The following VRK2 variants were observed in gnomAD, a reference collection of about 807,000 sequenced individuals.
The protein encoded by VRK2 is serine/threonine-protein kinase VRK2.
In VRK2, 60 loss-of-function variants were observed where a neutral mutation model predicts 57.6. The ratio of observed to expected loss-of-function variants is 1.04; its 90% confidence interval spans 0.85 to 1.29. The LOEUF (loss-of-function observed/expected upper bound fraction) is 1.29. Among genes scored for constraint, VRK2 ranks in the 50% most tolerant of loss-of-function variants. VRK2 has a pLI of 0.00. For missense variants in VRK2, 705 were observed against 588.1 expected, an observed-to-expected ratio of 1.20 and a Z score of -2.06; for synonymous variants, 231 against 199.2, an observed-to-expected ratio of 1.16 and a Z score of -1.35.
chr2:57,977,362 G>A (rs1425196142), intron 1 of VRK2, among the ~76,000 whole-genome samples: 2 of 151,954 alleles, frequency 1.3e-5, no homozygotes, highest in Admixed American at 1.3e-4. Flanking sequence ...ATGGAATATT[G>A]TTTCATTTAT....
At chr2:57,974,234 C>T (rs942639936) in intron 1 of VRK2, among the ~76,000 whole-genome samples, 3 of 151,822 alleles carry the variant, frequency 2.0e-5, no homozygotes, top group African/African-American at 7.2e-5. Context: ...ACTGATAAAG[C>T]TTTAATCATA....
intron 1 of VRK2, among the ~76,000 whole-genome samples, chr2:57,989,582 G>A (rs1274725288): frequency 2.0e-5 from 3 of 152,048 alleles, no homozygotes; most frequent in Admixed American, 1.3e-4. Flanking sequence ...TAATACATTA[G>A]TAATCCACTA....
rs756634074 is a variant in VRK2 at position 58,131,803 on chromosome 2, T to C, written c.677-5T>C. 6 of 1,608,374 alleles carry C rather than the reference T, an allele frequency of 3.7e-6. No homozygotes were observed. The Admixed American group carries it at 1.0e-4, about 27-fold the overall frequency. On this transcript the variant is annotated splice_region_variant and splice_polypyrimidine_tract_variant and intron_variant, in intron 8 of 12. Coordinates refer to ENST00000340157, the MANE Select transcript of VRK2 (RefSeq NM_006296.7). ...TATCTTTCTCTCTAATGCTTACTCC[T>C]ATAGCCTTGTCCAGACGAAGTGACG...
At chr2:57,911,873 T>C (rs548912984) in intron 1 of VRK2, among the ~76,000 whole-genome samples, 5 of 152,324 alleles carry the variant, frequency 3.3e-5, no homozygotes, top group East Asian at 1.9e-4. Flanking sequence ...GGCTTGTCAA[T>C]TGATACATTA....
chr2:58,009,955 T>G (rs375386805), intron 1 of VRK2, among the ~76,000 whole-genome samples: 1 of 152,080 alleles, frequency 6.6e-6, no homozygotes, highest in South Asian at 2.1e-4. Context: ...ATACTTAATG[T>G]CCACTAGGAC....
intron 7 of VRK2, among the ~76,000 whole-genome samples, chr2:58,115,876 G>A (rs1676389275): frequency 6.6e-6 from 1 of 152,172 alleles, no homozygotes; most frequent in South Asian, 2.1e-4. Context: ...GATGAAGGGT[G>A]CAAAGGAATA....
intron 1 of VRK2, among the ~76,000 whole-genome samples, chr2:57,956,360 G>A (rs375093486): frequency 5.9e-5 from 9 of 152,196 alleles, no homozygotes; most frequent in African/African-American, 9.6e-5. Context: ...ATTCCAGCCT[G>A]AGTAACAGAG....
Position 58,152,953 on chromosome 2 carries a change from A to C in VRK2, c.1183-6396A>C, listed in dbSNP as rs1683279131. Reference sequence around the variant, plus strand: ...CACCAATTTTGACATGTACTCGTGCATGTCTGTGTTCCTTAGATATTTTAT... The same window carrying C: ...CACCAATTTTGACATGTACTCGTGCCTGTCTGTGTTCCTTAGATATTTTAT... On this transcript the variant is annotated intron_variant, in intron 12 of 12. Coordinates refer to ENST00000340157, the MANE Select transcript of VRK2 (RefSeq NM_006296.7). Among the ~76,000 whole-genome samples the C allele has an allele frequency of 3.9e-5, 6 of 151,942 alleles. No individual in the cohort carries two copies. In the South Asian group the frequency reaches 1.2e-3, roughly 31 times the overall value.
intron 1 of VRK2, among the ~76,000 whole-genome samples, chr2:57,911,390 C>T (rs951301359): frequency 6.6e-6 from 1 of 152,100 alleles, no homozygotes; most frequent in African/African-American, 2.4e-5. Flanking sequence ...TTAACATTGG[C>T]ATATTGAAAG....
At chr2:58,014,457 C>T (rs940697853) in intron 1 of VRK2, among the ~76,000 whole-genome samples, 4 of 152,180 alleles carry the variant, frequency 2.6e-5, no homozygotes, top group Admixed American at 1.3e-4. Context: ...GATCAATTAG[C>T]TTCAGTGCAA....
intron 7 of VRK2, among the ~76,000 whole-genome samples, chr2:58,121,817 T>C (rs1318159687): frequency 1.3e-5 from 2 of 152,216 alleles, no homozygotes; most frequent in African/African-American, 4.8e-5. Context: ...ATTTTCCAAG[T>C]TGAAACTGCT....
intron 1 of VRK2, among the ~76,000 whole-genome samples, chr2:57,951,549 A>T (rs1191601835): frequency 1.3e-5 from 2 of 152,196 alleles, no homozygotes; most frequent in Non-Finnish European, 2.9e-5. Context: ...GCTTCACAAG[A>T]CACAGAGAAA....
intron 2 of VRK2, among the ~76,000 whole-genome samples, chr2:58,079,029 A>G (rs1164833488): frequency 2.0e-5 from 3 of 152,020 alleles, no homozygotes; most frequent in African/African-American, 4.8e-5. Context: ...GGAGTTATTT[A>G]TATATTCTGT....
At chr2:57,915,707 T>C (rs1308325419) in intron 1 of VRK2, among the ~76,000 whole-genome samples, 3 of 152,168 alleles carry the variant, frequency 2.0e-5, no homozygotes, top group South Asian at 2.1e-4. Context: ...TCAAGCTGCA[T>C]TGACAGATCT....
chr2:58,033,234 A>C (rs895649000), exon 3 of VRK2: 4 of 152,092 alleles, frequency 2.6e-5, no homozygotes, highest in African/African-American at 9.7e-5. Context: ...TAGTGTCATA[A>C]AGAAGAATAT....
chr2:58,118,572 T>C (rs1437341175), intron 7 of VRK2, among the ~76,000 whole-genome samples: 1 of 152,086 alleles, frequency 6.6e-6, no homozygotes, highest in African/African-American at 2.4e-5. Flanking sequence ...ATTGGTGAGA[T>C]GTTTCTTGGG....
chr2:58,066,082 T>A (rs1668569248), intron 2 of VRK2, among the ~76,000 whole-genome samples: 1 of 152,152 alleles, frequency 6.6e-6, no homozygotes, highest in Admixed American at 6.6e-5. Flanking sequence ...CCTTTCCAAA[T>A]GTGTGCTTTT....
At chr2:58,112,460 GT>G (rs1675710132) in intron 7 of VRK2, among the ~76,000 whole-genome samples, 1 of 151,830 alleles carries the variant, frequency 6.6e-6, no homozygotes, top group African/African-American at 2.4e-5. Context: ...TCTCTACTGA[GT>G]TATCTTAGTA....
At chr2:58,003,631 A>T (rs914957735) in intron 1 of VRK2, among the ~76,000 whole-genome samples, 5 of 152,256 alleles carry the variant, frequency 3.3e-5, no homozygotes, top group African/African-American at 1.2e-4. Context: ...TCTGAAATTT[A>T]ACTGGATGTC....
Sources: allele counts gnomAD v4.1 joint callset (sites outside exome capture counted in the v4.1 genomes callset), GRCh38; gene constraint gnomAD v4.1.1; transcripts MANE v1.5; gene names NCBI Gene and HGNC (gene_info 2026-07-23, HGNC 2026-07-21).